Variants in ZFP3 observed in about 807,000 individuals in gnomAD.
The protein encoded by ZFP3 is zinc finger protein 3 homolog.
ZFP3 carries 18 observed loss-of-function variants against 36.7 expected under a neutral mutation model. That is an observed-to-expected ratio of 0.49 (90% CI 0.34 to 0.73). The LOEUF is 0.73. Among genes scored for constraint, ZFP3 ranks in the 30% least tolerant of loss-of-function variants. ZFP3 has a pLI of 0.01. For synonymous variants in ZFP3, 218 were observed against 199.0 expected, an observed-to-expected ratio of 1.10 and a Z score of -0.81; for missense variants, 495 against 599.0, an observed-to-expected ratio of 0.83 and a Z score of 1.81.
intron 1 of ZFP3, among the ~76,000 whole-genome samples, chr17:5,083,955 C>A (rs2072107408): frequency 6.6e-6 from 1 of 151,944 alleles, no homozygotes; most frequent in South Asian, 2.1e-4. Flanking sequence ...CAACCTCCAC[C>A]TCCCAGGTTC....
intron 1 of ZFP3, among the ~76,000 whole-genome samples, chr17:5,079,431 G>A (rs2072082058): frequency 6.6e-6 from 1 of 152,194 alleles, no homozygotes; most frequent in South Asian, 2.1e-4. Context: ...TTGGGAGGCT[G>A]AGGTGGGAGG....
At chr17:5,085,396 C>G (rs539897448) in intron 1 of ZFP3, among the ~76,000 whole-genome samples, 1 of 145,176 alleles carries the variant, frequency 6.9e-6, no homozygotes, top group Non-Finnish European at 1.5e-5. Context: ...TGAGACGGAG[C>G]CTTGCTCTGT....
rs1234618789 is a variant in ZFP3 at position 5,095,383 on chromosome 17, G to T, written c.*2370G>T. The T allele has an allele frequency of 1.2e-5, 2 of 166,954 alleles. No individual in the cohort carries two copies. The highest frequency in any genetic ancestry group is 2.9e-5 in the Non-Finnish European group (2 of 68,106). The allele number at this position is 166,954 out of a possible 1,614,324, so 10.3% of individuals were successfully genotyped here. A position where few individuals can be genotyped will look rare whatever the true frequency, so the allele number is the denominator to read the frequency against. ...TGCGCCGTCTTATTCCTTTTTCATTGCTGGAGCACAAATTGAATTGTGCCC... is the reference window on the plus strand; with the variant it reads ...TGCGCCGTCTTATTCCTTTTTCATTTCTGGAGCACAAATTGAATTGTGCCC... On this transcript the variant is annotated 3_prime_UTR_variant, in exon 2 of 2. Transcript: ENST00000318833.
intron 1 of ZFP3, among the ~76,000 whole-genome samples, chr17:5,084,312 G>T (rs1488343699): frequency 1.1e-5 from 1 of 95,136 alleles, no homozygotes; most frequent in Non-Finnish European, 1.8e-5. Context: ...GTCTCGCTCT[G>T]TCGCCCAGGC....
rs1319010858 is a variant in ZFP3 at position 5,082,262 on chromosome 17, G to A, written c.-9+3687G>A. ...CTAGGGAGGCTGAGGCAGGAGAATC[G>A]CTTGAAACCAGGAGGCAGAGGTTGC... is the stretch of plus-strand genomic sequence containing the variant. On this transcript the variant is annotated intron_variant, in intron 1 of 1. Coordinates refer to ENST00000318833, the MANE Select transcript of ZFP3 (RefSeq NM_153018.3). 3.3e-5 allele frequency among the ~76,000 whole-genome samples: 5 copies of A among 151,894 alleles called. 1 individual carries two copies. The highest frequency in any genetic ancestry group is 2.0e-4 in the East Asian group (1 of 5,028).
intron 1 of ZFP3, among the ~76,000 whole-genome samples, chr17:5,089,746 C>A (rs2072140171): frequency 6.6e-6 from 1 of 151,252 alleles, no homozygotes; most frequent in Admixed American, 6.6e-5. Context: ...GCCTTGACCC[C>A]CTGGGCTCAA....
intron 1 of ZFP3, among the ~76,000 whole-genome samples, chr17:5,090,193 T>A (rs532847521): frequency 7.9e-5 from 12 of 152,136 alleles, no homozygotes; most frequent in African/African-American, 2.9e-4. Context: ...TGGGAAGATA[T>A]GAGAATAGAC....
At position 5,096,340 on chromosome 17, in the gene ZFP3, T is replaced by G. The variant is rs1254673972; in HGVS notation, c.*3327T>G. 3 of 166,710 alleles carry G rather than the reference T, an allele frequency of 1.8e-5. No individual in the cohort carries two copies. The highest frequency in any genetic ancestry group is 7.2e-5 in the African/African-American group (3 of 41,454). The allele number at this position is 166,710 out of a possible 1,614,324, so 10.3% of individuals were successfully genotyped here. On this transcript the variant is annotated 3_prime_UTR_variant, in exon 2 of 2. Transcript: ENST00000318833. The stretch of plus-strand genomic sequence containing the variant: ...TAATTTTAATGGTATACTAACACCT[T>G]AGGTAAATAAAATATTTCTTTACTA...
At position 5,092,718 on chromosome 17, in the gene ZFP3, C is replaced by T. The variant is rs1360568797; in HGVS notation, c.1214C>T (p.Thr405Ile). ...GAGTGTGGAAAGGCTTTCAGGCGGA[C>T]CTCTCACCTTATTGTCCACCAGAGA... is the stretch of plus-strand genomic sequence containing the variant. ...CFECGKAFRR[T>I]SHLIVHQRIH... is the part of the protein sequence containing the mutation. The change falls in exon 2 of 2, where the codon ACC becomes ATC. Residue 405 changes from threonine to isoleucine, a missense_variant. Coordinates refer to ENST00000318833, the MANE Select transcript of ZFP3 (RefSeq NM_153018.3). The surrounding 1 kb of genome is among the most constrained non-coding windows in gnomAD (Gnocchi z 5.0). 9 of 1,613,250 alleles carry T rather than the reference C, an allele frequency of 5.6e-6. No individual in the cohort carries two copies. In the African/African-American group the frequency reaches 9.4e-5, roughly 17 times the overall value.
intron 1 of ZFP3, among the ~76,000 whole-genome samples, chr17:5,086,724 C>CTTTTTTTTTTT (rs5819008): frequency 8.1e-5 from 9 of 110,664 alleles, no homozygotes; most frequent in African/African-American, 7.4e-5. Context: ...CATTTTCTTT[C>CTTTTTTTTTTT]TTTTTTTTTT....
In ZFP3 at chr17:5,095,093, A is replaced by C. The variant is rs923001266; in HGVS notation, c.*2080A>C. 6.0e-6 allele frequency: 1 copy of C among 167,098 alleles called. No homozygotes were observed. The highest frequency in any genetic ancestry group is 2.4e-5 in the African/African-American group (1 of 41,468). The allele number at this position is 167,098 out of a possible 1,614,324, so 10.4% of individuals were successfully genotyped here. On this transcript the variant is annotated 3_prime_UTR_variant, in exon 2 of 2. Coordinates refer to ENST00000318833, the MANE Select transcript of ZFP3 (RefSeq NM_153018.3). Reference sequence around the variant, plus strand: ...TGCACAGTTTCTATTACTGATTTCTATGTAGATTTGAATATAACAAATTTA... The same window carrying C: ...TGCACAGTTTCTATTACTGATTTCTCTGTAGATTTGAATATAACAAATTTA...
chr17:5,091,004 A>G (rs955241735), intron 1 of ZFP3, among the ~76,000 whole-genome samples: 1 of 152,106 alleles, frequency 6.6e-6, no homozygotes, highest in Non-Finnish European at 1.5e-5. Flanking sequence ...ATACCTATCT[A>G]TTAATATGGC....
rs771227524 is a variant in ZFP3, at chr17:5,093,060, AT to A, written c.*49del. On this transcript the variant is annotated 3_prime_UTR_variant, in exon 2 of 2. Transcript: ENST00000318833. ...TAGTGGAAAAGCTAAAGTCCAACTT[AT>A]TCATTTGTTCATAATATGCAAATAT... 6.6e-7 allele frequency: 1 copy of A among 1,516,346 alleles called. No individual in the cohort carries two copies. Among genetic ancestry groups the A allele is most frequent in the Non-Finnish European group, 8.8e-7 (1 of 1,133,784 alleles). The allele number at this position is 1,516,346 out of a possible 1,614,324, so 93.9% of individuals were successfully genotyped here.
intron 1 of ZFP3, among the ~76,000 whole-genome samples, chr17:5,089,936 G>A (rs1012268838): frequency 2.6e-5 from 4 of 152,112 alleles, no homozygotes; most frequent in African/African-American, 7.2e-5. Flanking sequence ...GGAATTACAG[G>A]TGTGAGCCAC....
chr17:5,091,071 G>A (rs570131940), intron 1 of ZFP3, among the ~76,000 whole-genome samples: 10 of 151,880 alleles, frequency 6.6e-5, no homozygotes, highest in African/African-American at 2.2e-4. Flanking sequence ...CCAACTCACC[G>A]TTAATATTAT....
chr17:5,092,470 T>C lies in ZFP3; in HGVS notation c.966T>C (p.Ser322=). 1 of 1,614,036 alleles carries C rather than the reference T, an allele frequency of 6.2e-7. No individual in the cohort carries two copies. The highest frequency in any genetic ancestry group is 8.5e-7 in the Non-Finnish European group (1 of 1,179,988). The change falls in exon 2 of 2, where the codon TCT becomes TCC. Residue 322 remains serine, a synonymous_variant. Coordinates refer to ENST00000318833, the MANE Select transcript of ZFP3 (RefSeq NM_153018.3). This position sits in a 1 kb window ranked among gnomAD's most constrained non-coding sequence, Gnocchi z 5.0. ...NECGKGFGQS[S]ELIRHQRIHT... Reference sequence around the variant, plus strand: ...GTGGGAAGGGCTTCGGGCAGAGTTCTGAGCTTATCCGGCATCAGAGAATTC... The same window carrying C: ...GTGGGAAGGGCTTCGGGCAGAGTTCCGAGCTTATCCGGCATCAGAGAATTC...
chr17:5,083,566 TG>T (rs1299630239), intron 1 of ZFP3, among the ~76,000 whole-genome samples: 1 of 151,878 alleles, frequency 6.6e-6, no homozygotes, highest in Non-Finnish European at 1.5e-5. Context: ...AAAAAGACTT[TG>T]TAACAGTGGT....
chr17:5,085,639 A>AT, intron 1 of ZFP3, among the ~76,000 whole-genome samples: 1 of 152,278 alleles, frequency 6.6e-6, no homozygotes, highest in South Asian at 2.1e-4. Context: ...AAGTGCTGGG[A>AT]TTATAGGTGT....
chr17:5,080,568 T>G (rs2072088045), intron 1 of ZFP3, among the ~76,000 whole-genome samples: 1 of 152,192 alleles, frequency 6.6e-6, no homozygotes, highest in South Asian at 2.1e-4. Flanking sequence ...TCAAAGGATA[T>G]TATTTTTGAG....
Sources: allele counts gnomAD v4.1 joint callset (sites outside exome capture counted in the v4.1 genomes callset), GRCh38; gene constraint gnomAD v4.1.1; non-coding constraint Gnocchi (gnomAD v3.1); transcripts MANE v1.5; gene names NCBI Gene and HGNC (gene_info 2026-07-23, HGNC 2026-07-21).